The following TET1 variants were observed in gnomAD, a reference collection of about 807,000 sequenced individuals.
The protein encoded by TET1 is methylcytosine dioxygenase TET1.
A neutral mutation model predicts 148.7 loss-of-function variants in TET1; 13 were observed. The ratio of observed to expected loss-of-function variants is 0.09; its 90% CI spans 0.06 to 0.14. TET1 has a LOEUF of 0.14. TET1 is among the 10% of genes least tolerant of loss of function. The probability of loss-of-function intolerance (pLI) is 1.00; values close to 1 mark genes in which losing one functional copy is unlikely to be tolerated. For synonymous variants in TET1, 907 were observed against 937.2 expected (o/e 0.97, Z 0.59); for missense variants, 2,182 against 2,553.8 (o/e 0.85, Z 3.14).
chr10:68,649,095 T>A (rs923320203), intron 4 of TET1, among the ~76,000 whole-genome samples: 8 of 152,220 alleles, frequency 5.3e-5, no homozygotes, highest in African/African-American at 1.9e-4. Context: ...GAGATCTTAC[T>A]ACAAGTCTGA....
At chr10:68,680,304 G>T (rs76240689) in intron 8 of TET1, among the ~76,000 whole-genome samples, 1 of 152,114 alleles carries the variant, frequency 6.6e-6, no homozygotes, top group Non-Finnish European at 1.5e-5. Flanking sequence ...CATATGAGGC[G>T]AAAGCCTCAC....
Position 68,686,701 on chromosome 10 carries a change from A to C in TET1, c.5398A>C (p.Thr1800Pro). Reference protein sequence around the residue: ...TNNSKPSSLPTLGSNTETVQP... With the variant: ...TNNSKPSSLPPLGSNTETVQP... The stretch of plus-strand genomic sequence containing the variant: ...CAACAGTAAGCCTTCGTCACTGCCA[A>C]CCTTAGGTGAGCCCTATGGAACCTG... Residue 1800 changes from threonine to proline, a missense_variant, in exon 11 of 12, where the codon ACC (threonine) becomes CCC (proline). Transcript: ENST00000373644. The C allele has an allele frequency of 6.2e-7, 1 of 1,611,742 alleles. No homozygotes were observed. The highest frequency in any genetic ancestry group is 2.2e-5 in the East Asian group (1 of 44,862).
chr10:68,580,033 A>G lies in TET1; in HGVS notation c.1914+5781A>G, dbSNP rs547828334. ...AACCTCTGCCTCCCGGATTCAAGTCATTCTCCTGCCTCAGCCTACCTAGTA... is the reference window on the plus strand; with the variant it reads ...AACCTCTGCCTCCCGGATTCAAGTCGTTCTCCTGCCTCAGCCTACCTAGTA... On this transcript the variant is annotated intron_variant, in intron 2 of 11. Coordinates refer to ENST00000373644, the MANE Select transcript of TET1 (RefSeq NM_030625.3). Among the ~76,000 whole-genome samples, 4 of 151,042 alleles carry G rather than the reference A, an allele frequency of 2.6e-5. No individual in the cohort carries two copies. In the East Asian group the frequency reaches 7.8e-4, roughly 30 times the overall value.
rs191553102 is a variant in TET1, at chr10:68,605,585, C to T, written c.1968+4551C>T. Among the ~76,000 whole-genome samples, 16 of 152,322 alleles carry T rather than the reference C, an allele frequency of 1.1e-4. No homozygotes were observed. The East Asian group carries it at 3.1e-3, about 29-fold the overall frequency. ...CTGGAGTGCAGTGGTGCAGTCTTGG[C>T]TCACTGCAACCTCTGCCACCTGGGT... On this transcript the variant is annotated intron_variant, in intron 3 of 11. Transcript: ENST00000373644.
chr10:68,637,292 C>T (rs1474794537), intron 3 of TET1, among the ~76,000 whole-genome samples: 1 of 151,964 alleles, frequency 6.6e-6, no homozygotes, highest in Non-Finnish European at 1.5e-5. Context: ...TCCTGGCCAG[C>T]TTTCTTTTTA....
intron 2 of TET1, among the ~76,000 whole-genome samples, chr10:68,599,354 T>C (rs917159776): frequency 1.3e-5 from 2 of 151,966 alleles, no homozygotes; most frequent in African/African-American, 2.4e-5. Context: ...TCAAGGTGGC[T>C]GTGATGGGAC....
In TET1 at chr10:68,595,980, A is replaced by AGG. The variant is rs2053980236; in HGVS notation, c.1915-5001_1915-5000insGG. 3.3e-4 allele frequency among the ~76,000 whole-genome samples: 16 copies of AGG among 48,402 alleles called. 1 individual carries two copies. In the South Asian group the frequency reaches 0.014, roughly 44 times the overall value. The allele number at this position is 48,402 out of a possible 152,430, so 31.8% of individuals were successfully genotyped here. The stretch of plus-strand genomic sequence containing the variant: ...TATATATACACACACACACACACAT[A>AGG]TATACACACACACACACACACACAC... On this transcript the variant is annotated intron_variant, in intron 2 of 11. Coordinates refer to ENST00000373644, the MANE Select transcript of TET1 (RefSeq NM_030625.3).
At chr10:68,567,879 GT>G (rs1028504069) in intron 1 of TET1, among the ~76,000 whole-genome samples, 4 of 151,952 alleles carry the variant, frequency 2.6e-5, no homozygotes, top group Non-Finnish European at 5.9e-5. Context: ...ACCAACAACC[GT>G]TTTCCTACAC....
At chr10:68,615,093 C>T (rs1318922367) in intron 3 of TET1, among the ~76,000 whole-genome samples, 1 of 151,772 alleles carries the variant, frequency 6.6e-6, no homozygotes, top group Non-Finnish European at 1.5e-5. Flanking sequence ...TGCCACCACA[C>T]CCGGCTAATT....
chr10:68,638,597 T>C (rs2054689916), intron 3 of TET1, among the ~76,000 whole-genome samples: 1 of 152,116 alleles, frequency 6.6e-6, no homozygotes, highest in Admixed American at 6.6e-5. Flanking sequence ...TGAAAAACAG[T>C]TGACAAACCC....
intron 1 of TET1, among the ~76,000 whole-genome samples, chr10:68,571,687 C>T (rs1204135978): frequency 2.6e-5 from 4 of 152,136 alleles, no homozygotes; most frequent in Admixed American, 6.6e-5. Flanking sequence ...CATGAGCCAC[C>T]GCACCTGGCC....
intron 10 of TET1, 32 bp downstream of exon 10, chr10:68,683,005 G>A: frequency 1.2e-6 from 2 of 1,609,674 alleles, no homozygotes; most frequent in Non-Finnish European, 1.7e-6. Flanking sequence ...TATTCTAAAA[G>A]CTCCATCACT....
At chr10:68,649,769 C>A (rs1386267387) in intron 4 of TET1, among the ~76,000 whole-genome samples, 1 of 152,136 alleles carries the variant, frequency 6.6e-6, no homozygotes, top group Non-Finnish European at 1.5e-5. Flanking sequence ...AGTTTGAAGA[C>A]CCTTTCCTTA....
intron 3 of TET1, among the ~76,000 whole-genome samples, chr10:68,637,039 C>T (rs1276771373): frequency 1.3e-5 from 2 of 151,570 alleles, no homozygotes; most frequent in Admixed American, 1.3e-4. Context: ...TGCTCTGTCA[C>T]CCAGGCTGGA....
intron 2 of TET1, among the ~76,000 whole-genome samples, chr10:68,576,013 C>A (rs1307393934): frequency 1.4e-5 from 2 of 141,762 alleles, no homozygotes; most frequent in Non-Finnish European, 3.0e-5. Context: ...GAGTGAGACT[C>A]CATCTCAAAA....
chr10:68,684,102 C>T (rs2055476596), intron 10 of TET1, among the ~76,000 whole-genome samples: 1 of 152,130 alleles, frequency 6.6e-6, no homozygotes, highest in South Asian at 2.1e-4. Flanking sequence ...TAAGTCTTGG[C>T]TGCAGGATGA....
chr10:68,660,523 G>C (rs12251020), intron 6 of TET1, among the ~76,000 whole-genome samples: 27,532 of 151,512 alleles, frequency 0.18, 3,103 homozygotes, highest in African/African-American at 0.31. Flanking sequence ...GTATTTTTTA[G>C]TAGGGATGGG....
chr10:68,648,501 C>A (rs1033272255), intron 4 of TET1, among the ~76,000 whole-genome samples: 2 of 152,148 alleles, frequency 1.3e-5, no homozygotes, highest in Non-Finnish European at 2.9e-5. Context: ...CTGTTTTGAA[C>A]CTCATCCAAA....
At chr10:68,686,833 C>T (rs2055518361) in intron 11 of TET1, 126 bp downstream of exon 11, 2 of 871,532 alleles carry the variant, frequency 2.3e-6, no homozygotes, top group Non-Finnish European at 3.4e-6. Context: ...TATACCAGAA[C>T]CAAAAGTCAA....
Sources: gnomAD v4.1 joint callset for allele counts (sites outside exome capture counted in the v4.1 genomes callset) on GRCh38, gnomAD v4.1.1 for gene constraint, MANE v1.5 for transcripts, NCBI Gene and HGNC (gene_info 2026-07-23, HGNC 2026-07-21) for gene names.